The following ANKRD42 variants were observed in gnomAD, a reference collection of about 807,000 sequenced individuals.
The protein encoded by ANKRD42 is ankyrin repeat domain 42, also known as ankyrin repeat domain-containing protein 42.
ANKRD42 carries 43 observed loss-of-function variants against 51.5 expected under a neutral mutation model. The observed-to-expected ratio is 0.83, with a 90% confidence interval of 0.65 to 1.08. ANKRD42 has a LOEUF of 1.08. ANKRD42 is among the 50% of genes least tolerant of loss of function. The pLI is 0.00. For missense variants in ANKRD42, 608 were observed against 629.3 expected (o/e 0.97, Z 0.36); for synonymous variants, 203 against 213.0 (o/e 0.95, Z 0.41).
At position 83,222,135 on chromosome 11, in the gene ANKRD42, C is replaced by T. The variant is rs938529339; in HGVS notation, c.587-2720C>T. On this transcript the variant is annotated intron_variant, in intron 5 of 10. Coordinates refer to ENST00000533342, the MANE Select transcript of ANKRD42 (RefSeq NM_001300975.2). ...TGAGTTTTTTCACTTGACTGTGGCC[C>T]CAGGACCTGTCTCATCCTCATATTT... is the stretch of plus-strand genomic sequence containing the variant. 2.6e-5 allele frequency among the ~76,000 whole-genome samples: 4 copies of T among 152,284 alleles called. No individual in the cohort carries two copies. The East Asian group carries it at 7.7e-4, about 29-fold the overall frequency.
At chr11:83,226,275 C>G (rs772705605) in intron 6 of ANKRD42, among the ~76,000 whole-genome samples, 32 of 152,078 alleles carry the variant, frequency 2.1e-4, no homozygotes, top group Non-Finnish European at 3.5e-4. Flanking sequence ...AACCTGATCC[C>G]TAGCATATAG....
chr11:83,227,676 T>A, intron 6 of ANKRD42, 71 bp from the exon 7 acceptor site: 2 of 1,491,100 alleles, frequency 1.3e-6, no homozygotes, highest in Non-Finnish European at 1.8e-6. Flanking sequence ...ACCTGAAATA[T>A]ATGACAGCTT....
intron 9 of ANKRD42, among the ~76,000 whole-genome samples, chr11:83,243,293 T>C (rs1205822893): frequency 3.9e-5 from 6 of 152,210 alleles, no homozygotes; most frequent in Admixed American, 3.9e-4. Flanking sequence ...GCATTTCTTC[T>C]CTGTGAGGAT....
At chr11:83,235,150 A>G (rs7102681) in intron 7 of ANKRD42, among the ~76,000 whole-genome samples, 13,966 of 152,292 alleles carry the variant, frequency 0.092, 821 homozygotes, top group Middle Eastern at 0.19. Flanking sequence ...CAATTATACC[A>G]TAAAAGAACT....
chr11:83,242,783 T>C (rs1863433028), intron 9 of ANKRD42, among the ~76,000 whole-genome samples: 1 of 152,028 alleles, frequency 6.6e-6, no homozygotes, highest in Non-Finnish European at 1.5e-5. Flanking sequence ...CAGGCTGGTC[T>C]TGAACTCCTG....
At chr11:83,201,161 C>A (rs148098616) in intron 2 of ANKRD42, among the ~76,000 whole-genome samples, 6 of 152,068 alleles carry the variant, frequency 3.9e-5, no homozygotes, top group Admixed American at 2.0e-4. Flanking sequence ...CCCTCCACCC[C>A]CCGACAGGCC....
At chr11:83,257,451 T>G (rs1239611935), downstream of ANKRD42, 1 of 385,554 alleles carries the variant, frequency 2.6e-6, no homozygotes, top group Non-Finnish European at 5.1e-6. Flanking sequence ...TAGTTGTTTT[T>G]TGGTCAGCAA....
At chr11:83,202,777 T>G (rs1299076870) in intron 2 of ANKRD42, among the ~76,000 whole-genome samples, 1 of 152,220 alleles carries the variant, frequency 6.6e-6, no homozygotes, top group African/African-American at 2.4e-5. Context: ...TTTTATTCTC[T>G]ATTAGATTTT....
intron 7 of ANKRD42, among the ~76,000 whole-genome samples, chr11:83,234,391 G>A (rs1371319921): frequency 6.6e-6 from 1 of 152,050 alleles, no homozygotes; most frequent in Non-Finnish European, 1.5e-5. Flanking sequence ...TTAGAACTAT[G>A]ACTTCTCCTT....
At chr11:83,223,670 G>A (rs1862785178) in intron 5 of ANKRD42, among the ~76,000 whole-genome samples, 1 of 152,190 alleles carries the variant, frequency 6.6e-6, no homozygotes, top group Non-Finnish European at 1.5e-5. Context: ...TAAGCAGTTA[G>A]AGGAATCTGA....
chr11:83,232,822 G>A (rs900049651), intron 7 of ANKRD42, among the ~76,000 whole-genome samples: 1 of 152,078 alleles, frequency 6.6e-6, no homozygotes, highest in Non-Finnish European at 1.5e-5. Flanking sequence ...GCTTTTATCA[G>A]CATCAATTGA....
intron 7 of ANKRD42, 110 bp from the exon 8 acceptor site, chr11:83,236,294 A>G (rs2135544791): frequency 1.5e-6 from 1 of 684,996 alleles, no homozygotes; most frequent in Non-Finnish European, 2.4e-6. Flanking sequence ...TGCAAGGATC[A>G]ATACTTAACT....
At chr11:83,244,973 C>T (rs1565197077) in intron 9 of ANKRD42, among the ~76,000 whole-genome samples, 1 of 151,768 alleles carries the variant, frequency 6.6e-6, no homozygotes, top group Admixed American at 6.6e-5. Context: ...GATGTGGTCT[C>T]GGCTCACTGC....
downstream of ANKRD42, among the ~76,000 whole-genome samples, chr11:83,264,246 G>A (rs921667318): frequency 6.6e-6 from 1 of 152,126 alleles, no homozygotes; most frequent in Non-Finnish European, 1.5e-5. Flanking sequence ...AGGGAATACT[G>A]TGCTTTCTAA....
downstream of ANKRD42, among the ~76,000 whole-genome samples, chr11:83,250,614 C>T (rs72952702): frequency 1.3e-5 from 2 of 152,228 alleles, no homozygotes; most frequent in Non-Finnish European, 2.9e-5. Flanking sequence ...TAGGGATCCC[C>T]ACCTGTATTT....
rs1863437086 is a variant in ANKRD42, at chr11:83,242,887, T to C, written c.1195+1953T>C. ...CGCACCACGTTTTCTTTATCCGGTC[T>C]TCTGTTGATGGGCATTTAGGTTGAT... On this transcript the variant is annotated intron_variant, in intron 9 of 10. Transcript: ENST00000533342. Among the ~76,000 whole-genome samples the C allele has an allele frequency of 2.0e-5, 3 of 152,298 alleles. No homozygotes were observed. In the South Asian group the frequency reaches 6.2e-4, roughly 32 times the overall value.
intron 7 of ANKRD42, among the ~76,000 whole-genome samples, chr11:83,228,469 A>T (rs2135533345): frequency 6.6e-6 from 1 of 151,806 alleles, no homozygotes; most frequent in East Asian, 1.9e-4. Flanking sequence ...GCCTCAAATG[A>T]TCCACTCGCC....
chr11:83,234,872 G>T (rs1863180863), intron 7 of ANKRD42, among the ~76,000 whole-genome samples: 1 of 152,168 alleles, frequency 6.6e-6, no homozygotes, highest in Non-Finnish European at 1.5e-5. Flanking sequence ...TGGCTCTGAG[G>T]CAGAGGACAA....
intron 3 of ANKRD42, among the ~76,000 whole-genome samples, chr11:83,207,799 T>A (rs1862134034): frequency 1.3e-5 from 2 of 152,204 alleles, no homozygotes; most frequent in Non-Finnish European, 2.9e-5. Flanking sequence ...TGTAAGAAGC[T>A]CCTGAATTGG....
Sources: allele counts gnomAD v4.1 joint callset (sites outside exome capture counted in the v4.1 genomes callset), GRCh38; gene constraint gnomAD v4.1.1; transcripts MANE v1.5; gene names NCBI Gene and HGNC (gene_info 2026-07-23, HGNC 2026-07-21).